The following VDAC1 variants were observed in gnomAD, a reference collection of about 807,000 sequenced individuals.
VDAC1 encodes the protein non-selective voltage-gated ion channel VDAC1.
In VDAC1, 10 loss-of-function variants were observed where a neutral mutation model predicts 34.7. The ratio of observed to expected loss-of-function variants is 0.29; its 90% CI spans 0.18 to 0.49. The LOEUF (loss-of-function observed/expected upper bound fraction) is 0.49. Ranked by LOEUF, VDAC1 falls within the 20% of genes least tolerant of loss-of-function variation. The probability of loss-of-function intolerance (pLI) is 0.99; values close to 1 mark genes in which losing one functional copy is unlikely to be tolerated. For missense variants in VDAC1, 230 were observed against 347.9 expected (o/e 0.66, Z 2.69); for synonymous variants, 130 against 136.0 (o/e 0.96, Z 0.30).
At chr5:134,113,724 T>C in the VDAC1 span, among the ~76,000 whole-genome samples, 2 of 152,176 alleles carry the variant, frequency 1.3e-5, no homozygotes, top group African/African-American at 4.8e-5. Context: ...CCGGGTGCCA[T>C]ACAGATGCGC....
At chr5:134,109,215 C>T in the VDAC1 span, among the ~76,000 whole-genome samples, 2 of 152,200 alleles carry the variant, frequency 1.3e-5, no homozygotes, top group African/African-American at 4.8e-5. Flanking sequence ...TAGGGATAAG[C>T]AACAAAGCCC....
intron 5 of VDAC1, among the ~76,000 whole-genome samples, chr5:133,983,942 A>G (rs1752802603): frequency 6.6e-6 from 1 of 152,166 alleles, no homozygotes; most frequent in Non-Finnish European, 1.5e-5. Context: ...CACCATGACT[A>G]AAAGCTTCCT....
the VDAC1 span, among the ~76,000 whole-genome samples, chr5:134,056,113 C>T: frequency 6.6e-6 from 1 of 151,912 alleles, no homozygotes; most frequent in East Asian, 2.0e-4. Context: ...TGGTGGCATG[C>T]ACCTGTAATC....
At chr5:134,109,226 T>G in the VDAC1 span, among the ~76,000 whole-genome samples, 4 of 152,224 alleles carry the variant, frequency 2.6e-5, no homozygotes, top group African/African-American at 4.8e-5. Flanking sequence ...AACAAAGCCC[T>G]GTATAGCCCT....
the VDAC1 span, among the ~76,000 whole-genome samples, chr5:134,015,376 A>C: frequency 6.6e-6 from 1 of 152,192 alleles, no homozygotes; most frequent in Non-Finnish European, 1.5e-5. Context: ...AGAAAAATTG[A>C]AAAAAGAAAA....
chr5:134,089,359 C>T, the VDAC1 span, among the ~76,000 whole-genome samples: 8,985 of 152,324 alleles, frequency 0.059, 324 homozygotes, highest in Non-Finnish European at 0.089. Flanking sequence ...AAATGAGAAG[C>T]AGGTGGCTTC....
intron 1 of VDAC1, among the ~76,000 whole-genome samples, chr5:134,000,661 C>T (rs1042247110): frequency 6.6e-6 from 1 of 151,776 alleles, no homozygotes; most frequent in African/African-American, 2.4e-5. Flanking sequence ...TTGGGCAAGT[C>T]GCAACCTCTC....
At chr5:134,105,480 A>G in the VDAC1 span, among the ~76,000 whole-genome samples, 1 of 152,250 alleles carries the variant, frequency 6.6e-6, no homozygotes, top group African/African-American at 2.4e-5. Flanking sequence ...GGCTGCTGTG[A>G]GGATGAGATG....
the VDAC1 span, among the ~76,000 whole-genome samples, chr5:134,026,516 G>GAAAAAAA: frequency 2.8e-5 from 2 of 72,320 alleles, no homozygotes; most frequent in Non-Finnish European, 5.2e-5. Flanking sequence ...CTCCGTCTCA[G>GAAAAAAA]AAAAAAAAAA....
At chr5:134,075,184 C>T in the VDAC1 span, among the ~76,000 whole-genome samples, 17 of 152,170 alleles carry the variant, frequency 1.1e-4, no homozygotes. Flanking sequence ...ATTTATATAC[C>T]ATTTGCACAC....
chr5:134,030,743 G>T, the VDAC1 span, among the ~76,000 whole-genome samples: 19 of 152,056 alleles, frequency 1.2e-4, no homozygotes. Context: ...GAGAATCTGG[G>T]ATTACAGGCC....
At chr5:134,015,835 G>A in the VDAC1 span, among the ~76,000 whole-genome samples, 1,642 of 152,154 alleles carry the variant, frequency 0.011, 27 homozygotes, top group African/African-American at 0.037. Flanking sequence ...AGTAGAGACG[G>A]GGTTTCACCA....
chr5:134,065,942 C>T, the VDAC1 span, among the ~76,000 whole-genome samples: 3 of 151,470 alleles, frequency 2.0e-5, no homozygotes, highest in African/African-American at 7.3e-5. Flanking sequence ...TACAGGCCCC[C>T]GCCACCACGC....
chr5:133,991,267 G>A lies in VDAC1; in HGVS notation c.118-113C>T, dbSNP rs542827048. ...AAGAGGCAAGACCCTGAATGTGGGG[G>A]GGCCAAGGCTAACTCTACAATTCAA... On this transcript the variant is annotated intron_variant, in intron 3 of 8. Transcript: ENST00000265333. 358 of 1,339,030 alleles carry A rather than the reference G, an allele frequency of 2.7e-4. 1 individual carries two copies. The East Asian group carries it at 6.0e-3, about 23-fold the overall frequency. 82.9% of individuals were successfully genotyped at this position (1,339,030 alleles called of 1,614,324 possible).
intron 3 of VDAC1, 98 bp downstream of exon 3, chr5:133,992,208 C>T (rs1027505608): frequency 3.3e-6 from 3 of 922,120 alleles, no homozygotes; most frequent in South Asian, 4.7e-5. Flanking sequence ...TGTACTCCAG[C>T]CTGGGCGACA....
chr5:134,076,546 C>T, the VDAC1 span, among the ~76,000 whole-genome samples: 291 of 152,324 alleles, frequency 1.9e-3, 2 homozygotes, highest in Non-Finnish European at 3.3e-3. Flanking sequence ...CCCGAGCACC[C>T]AGCACAGCCC....
the VDAC1 span, among the ~76,000 whole-genome samples, chr5:134,049,473 C>A: frequency 6.6e-6 from 1 of 152,162 alleles, no homozygotes; most frequent in Admixed American, 6.5e-5. Context: ...CTGCAATAAA[C>A]AACTTGATGC....
At chr5:134,104,673 G>C in the VDAC1 span, among the ~76,000 whole-genome samples, 1 of 152,202 alleles carries the variant, frequency 6.6e-6, no homozygotes, top group Non-Finnish European at 1.5e-5. Context: ...GGGAGAAAAG[G>C]AGAGAAATTC....
chr5:133,973,920 G>T (rs1018953531), intron 7 of VDAC1, 72 bp from the exon 8 acceptor site: 9 of 1,468,124 alleles, frequency 6.1e-6, no homozygotes, highest in Non-Finnish European at 8.4e-6. Context: ...CAAAATTAGA[G>T]CTTTTTAGTC....
Sources: gnomAD v4.1 joint callset for allele counts (sites outside exome capture counted in the v4.1 genomes callset) on GRCh38, gnomAD v4.1.1 for gene constraint, MANE v1.5 for transcripts, NCBI Gene and HGNC (gene_info 2026-07-23, HGNC 2026-07-21) for gene names.